LEPR: variants seen among roughly 807,000 people sequenced by gnomAD.
LEPR encodes leptin receptor.
Under a neutral mutation model 114.7 loss-of-function variants are expected in LEPR, and 56 were observed. That is an observed-to-expected ratio of 0.49 (90% CI 0.39 to 0.61). The LOEUF is 0.61. Among genes scored for constraint, LEPR ranks in the 20% least tolerant of loss-of-function variants. The pLI, the probability that LEPR is intolerant of heterozygous loss-of-function variation, is 0.00. For missense variants in LEPR, 1,202 were observed against 1,352.9 expected, an observed-to-expected ratio of 0.89 and a Z score of 1.75; for synonymous variants, 443 against 461.4, an observed-to-expected ratio of 0.96 and a Z score of 0.51.
At chr1:65,491,654 G>A (rs1327121) in intron 2 of LEPR, among the ~76,000 whole-genome samples, 103,041 of 151,900 alleles carry the variant, frequency 0.68, 36,142 homozygotes, top group Middle Eastern at 0.83. Flanking sequence ...AAAGCCAAAC[G>A]TCTGTTTTAG....
chr1:65,536,252 C>T (rs938504992), intron 2 of LEPR, among the ~76,000 whole-genome samples: 2 of 152,102 alleles, frequency 1.3e-5, no homozygotes, highest in Admixed American at 6.6e-5. Flanking sequence ...CTTGTCCCTC[C>T]TCTCTCTTGC....
chr1:65,528,257 T>C (rs1348591995), intron 2 of LEPR, among the ~76,000 whole-genome samples: 1 of 152,092 alleles, frequency 6.6e-6, no homozygotes, highest in East Asian at 1.9e-4. Context: ...CCTGTGGAGT[T>C]AAAAATGAAG....
At position 65,636,881 on chromosome 1, in the gene LEPR, C is replaced by T. The variant is rs1343907250; in HGVS notation, c.3364C>T (p.His1122Tyr). 1 of 1,606,934 alleles carries T rather than the reference C, an allele frequency of 6.2e-7. No homozygotes were observed. The highest frequency in any genetic ancestry group is 1.3e-5 in the African/African-American group (1 of 74,422). The part of the protein sequence containing the change: ...DIRVLQDSCS[H>Y]FVENNINLGT... ...CAGAGTTCTCCAGGACAGTTGCTCA[C>T]ACTTTGTAGAAAATAATATCAACTT... The change falls in exon 20 of 20, where the codon CAC becomes TAC. Residue 1122 changes from histidine (H) to tyrosine (Y), a missense_variant. By Grantham distance (83) the His-to-Tyr change is moderately conservative (BLOSUM62 2). Transcript: ENST00000349533.
intron 16 of LEPR, among the ~76,000 whole-genome samples, 185 bp from the exon 17 acceptor site, chr1:65,619,743 T>C (rs1166975362): frequency 1.3e-5 from 2 of 152,184 alleles, no homozygotes; most frequent in Admixed American, 6.5e-5. Flanking sequence ...ACTATTGTCA[T>C]GACTAGATAA....
intron 5 of LEPR, among the ~76,000 whole-genome samples, chr1:65,584,723 C>A (rs1389540773): frequency 1.3e-5 from 2 of 152,070 alleles, no homozygotes; most frequent in Non-Finnish European, 2.9e-5. Context: ...GGTACATGGT[C>A]AAATATTATG....
In LEPR at chr1:65,592,750, T is replaced by C. The variant is rs2100898531; in HGVS notation, c.588T>C (p.Cys196=). 6.2e-7 allele frequency: 1 copy of C among 1,613,450 alleles called. No homozygotes were observed. The highest frequency in any genetic ancestry group is 8.5e-7 in the Non-Finnish European group (1 of 1,179,516). ...CNCSVHECCE[C]LVPVPTAKLN... is the part of the protein sequence containing the mutation. Reference sequence around the variant, plus strand: ...GCAGTGTTCATGAATGTTGTGAATGTCTTGTGCCTGTGCCAACAGCCAAAC... The same window carrying C: ...GCAGTGTTCATGAATGTTGTGAATGCCTTGTGCCTGTGCCAACAGCCAAAC... Residue 196 remains cysteine, a synonymous_variant, in exon 6 of 20, where the codon TGT becomes TGC. Transcript: ENST00000349533.
intron 19 of LEPR, chr1:65,634,047 T>A (rs189874884): frequency 1.0e-6 from 1 of 985,348 alleles, no homozygotes; most frequent in Admixed American, 6.1e-5. Context: ...AAAGGGAGAC[T>A]CTTTGGAGCT....
At position 65,605,097 on chromosome 1, in the gene LEPR, G is replaced by A; in HGVS notation, c.1463G>A (p.Cys488Tyr). 6.2e-7 allele frequency: 1 copy of A among 1,614,042 alleles called. No homozygotes were observed. Among genetic ancestry groups the A allele is most frequent in the Non-Finnish European group, 8.5e-7 (1 of 1,180,002 alleles). The change falls in exon 11 of 20, where the codon TGC becomes TAC. Residue 488 changes from cysteine (C) to tyrosine (Y), a missense_variant. By Grantham distance (194) the Cys-to-Tyr change is radical. Transcript: ENST00000349533. Reference sequence around the variant, plus strand: ...CATCCCATATCTGAGCCCAAAGATTGCTATTTGCAGAGTGATGGTTTTTAT... The same window carrying A: ...CATCCCATATCTGAGCCCAAAGATTACTATTTGCAGAGTGATGGTTTTTAT... ...SIHPISEPKD[C>Y]YLQSDGFYEC...
At position 65,608,795 on chromosome 1, in the gene LEPR, T is replaced by C. The variant is rs761273578; in HGVS notation, c.1646T>C (p.Ile549Thr). The C allele has an allele frequency of 1.9e-6, 3 of 1,613,660 alleles. No individual in the cohort carries two copies. The East Asian group carries it at 6.7e-5, about 36-fold the overall frequency. ...TCCAGTGTGAAAGCAGAAATTACTA[T>C]AAACATTGGATTATTGAAAATATCT... is the stretch of plus-strand genomic sequence containing the variant. Reference protein sequence around the residue: ...PPSSVKAEITINIGLLKISWE... With the variant: ...PPSSVKAEITTNIGLLKISWE... The change falls in exon 12 of 20, where the codon ATA becomes ACA. Residue 549 changes from isoleucine (I) to threonine (T), a missense_variant. By Grantham distance (89) the Ile-to-Thr change is moderately conservative (BLOSUM62 -1). Transcript: ENST00000349533.
At chr1:65,555,488 T>C (rs561967095) in intron 2 of LEPR, among the ~76,000 whole-genome samples, 7 of 152,276 alleles carry the variant, frequency 4.6e-5, no homozygotes, top group Admixed American at 3.9e-4. Flanking sequence ...AAAAGTAGGG[T>C]TATGGAGCAC....
chr1:65,488,159 C>CCTTCCTTCCTTTCTTT (rs1249504387), intron 2 of LEPR, among the ~76,000 whole-genome samples: 4 of 65,480 alleles, frequency 6.1e-5, no homozygotes, highest in Non-Finnish European at 1.1e-4. Context: ...TTCCTTCCTT[C>CCTTCCTTCCTTTCTTT]CTTTCTTTCT....
intron 2 of LEPR, among the ~76,000 whole-genome samples, chr1:65,521,558 G>T (rs1321678084): frequency 6.6e-6 from 1 of 152,084 alleles, no homozygotes; most frequent in Non-Finnish European, 1.5e-5. Flanking sequence ...AACCAAAGCT[G>T]CCACCTCACA....
At chr1:65,460,769 G>C (rs1326944594) in intron 2 of LEPR, among the ~76,000 whole-genome samples, 1 of 151,848 alleles carries the variant, frequency 6.6e-6, no homozygotes, top group Non-Finnish European at 1.5e-5. Context: ...TTTCACCCGG[G>C]AGACTGAGGT....
rs771316511 is a variant in LEPR at position 65,429,928 on chromosome 1, A to G, written c.-21+4550A>G. Reference sequence around the variant, plus strand: ...CCCCCATCCCCCATTTCATTGCCAAAAGAGTCACCTATGACTCAGATGCAA... The same window carrying G: ...CCCCCATCCCCCATTTCATTGCCAAGAGAGTCACCTATGACTCAGATGCAA... On this transcript the variant is annotated intron_variant, in intron 2 of 19. Coordinates refer to ENST00000349533, the MANE Select transcript of LEPR (RefSeq NM_002303.6). 49 of 1,556,284 alleles carry G rather than the reference A, an allele frequency of 3.1e-5. No homozygotes were observed. The South Asian group carries it at 5.4e-4, about 17-fold the overall frequency.
In LEPR at chr1:65,637,812, C is replaced by G. The variant is rs1400318638; in HGVS notation, c.*797C>G. The G allele has an allele frequency of 6.6e-6, 1 of 152,228 alleles. No homozygotes were observed. Among genetic ancestry groups the G allele is most frequent in the African/African-American group, 2.4e-5 (1 of 41,442 alleles). 9.4% of individuals were successfully genotyped at this position (152,228 alleles called of 1,614,324 possible). On this transcript the variant is annotated 3_prime_UTR_variant, in exon 20 of 20. Transcript: ENST00000349533. ...TCACTGAGCATTCTGTCTACATAAA[C>G]CAACCACTGTGCAGTACTTTACATA...
At chr1:65,525,458 G>C (rs1051063137) in intron 2 of LEPR, among the ~76,000 whole-genome samples, 5 of 152,122 alleles carry the variant, frequency 3.3e-5, no homozygotes, top group African/African-American at 1.2e-4. Flanking sequence ...TCCTCCCGCA[G>C]GCCCGCGGCC....
intron 3 of LEPR, among the ~76,000 whole-genome samples, chr1:65,566,327 C>G (rs761268204): frequency 6.6e-6 from 1 of 151,338 alleles, no homozygotes; most frequent in Non-Finnish European, 1.5e-5. Flanking sequence ...CTCAGCCTCT[C>G]GAGTAGCTGG....
chr1:65,628,381 C>T (rs1270865558), intron 19 of LEPR, among the ~76,000 whole-genome samples: 1 of 152,104 alleles, frequency 6.6e-6, no homozygotes, highest in Non-Finnish European at 1.5e-5. Context: ...TAAAGTTTGT[C>T]CTGCTTGTTC....
intron 2 of LEPR, among the ~76,000 whole-genome samples, chr1:65,544,966 C>A (rs1455462070): frequency 6.7e-6 from 1 of 149,796 alleles, no homozygotes; most frequent in Admixed American, 6.6e-5. Context: ...CTCCCCCCAC[C>A]CCACAACAGT....
Sources: allele counts gnomAD v4.1 joint callset (sites outside exome capture counted in the v4.1 genomes callset), GRCh38; gene constraint gnomAD v4.1.1; transcripts MANE v1.5; gene names NCBI Gene and HGNC (gene_info 2026-07-23, HGNC 2026-07-21).